DCSTAMP: variants seen among roughly 807,000 people sequenced by gnomAD.
DCSTAMP encodes the protein dendrocyte expressed seven transmembrane protein, also known as dendritic cell-specific transmembrane protein.
A neutral mutation model predicts 33.8 loss-of-function variants in DCSTAMP; 25 were observed. That is an observed-to-expected ratio of 0.74 (90% CI 0.54 to 1.03). The LOEUF is 1.03. Among genes scored for constraint, DCSTAMP ranks in the 50% least tolerant of loss-of-function variants. The pLI is 0.00. For missense variants in DCSTAMP, 531 were observed against 556.8 expected, an observed-to-expected ratio of 0.95 and a Z score of 0.47; for synonymous variants, 245 against 216.7, an observed-to-expected ratio of 1.13 and a Z score of -1.15.
At chr8:104,350,769 G>T (rs112737777) in intron 2 of DCSTAMP, among the ~76,000 whole-genome samples, 1 of 152,146 alleles carries the variant, frequency 6.6e-6, no homozygotes, top group African/African-American at 2.4e-5. Context: ...GCAAGGACCC[G>T]CTAACCCAGA....
intron 1 of DCSTAMP, among the ~76,000 whole-genome samples, chr8:104,346,977 G>A (rs1019319593): frequency 2.0e-5 from 3 of 152,212 alleles, no homozygotes; most frequent in African/African-American, 7.2e-5. Flanking sequence ...TGTGAGAAGG[G>A]ATTTATTTGA....
chr8:104,346,186 C>T (rs1184399716), intron 1 of DCSTAMP, among the ~76,000 whole-genome samples: 1 of 152,228 alleles, frequency 6.6e-6, no homozygotes, highest in East Asian at 1.9e-4. Context: ...TAGAGAGATG[C>T]TTTATAAAAA....
chr8:104,342,686 G>A (rs900940893), intron 1 of DCSTAMP, among the ~76,000 whole-genome samples: 3 of 152,200 alleles, frequency 2.0e-5, no homozygotes, highest in African/African-American at 7.2e-5. Context: ...GGGACAGGAT[G>A]AGCCCCCATT....
chr8:104,345,096 C>T (rs1005230066), intron 1 of DCSTAMP, among the ~76,000 whole-genome samples: 3 of 152,006 alleles, frequency 2.0e-5, no homozygotes, highest in African/African-American at 7.2e-5. Context: ...GCCTCCAGTG[C>T]CTGTCTCTAA....
chr8:104,343,297 A>C (rs570012757), intron 1 of DCSTAMP, among the ~76,000 whole-genome samples: 1 of 152,212 alleles, frequency 6.6e-6, no homozygotes, highest in Non-Finnish European at 1.5e-5. Context: ...ACAATAGTAC[A>C]GGGTTAGAAA....
intron 1 of DCSTAMP, among the ~76,000 whole-genome samples, chr8:104,341,678 G>T (rs574828837): frequency 4.6e-5 from 7 of 152,322 alleles, no homozygotes; most frequent in African/African-American, 1.7e-4. Context: ...GCTCTGCAGG[G>T]CTCTCAGCTC....
rs1479742251 is a variant in DCSTAMP, at chr8:104,355,299, C to T, written c.1338+114C>T. ...TTCAACTTCACATCAGGGCTTGTAC[C>T]CCAGCAGTAGATAGGACATTGAGGA... On this transcript the variant is annotated intron_variant, in intron 3 of 3. Transcript: ENST00000297581. The T allele has an allele frequency of 6.5e-6, 7 of 1,083,818 alleles. No homozygotes were observed. The East Asian group carries it at 1.5e-4, about 23-fold the overall frequency. The allele number at this position is 1,083,818 out of a possible 1,614,324, so 67.1% of individuals were successfully genotyped here. A position where few individuals can be genotyped will look rare whatever the true frequency, so the allele number is the denominator to read the frequency against.
At chr8:104,340,895 C>G (rs537527521) in intron 1 of DCSTAMP, among the ~76,000 whole-genome samples, 1 of 152,346 alleles carries the variant, frequency 6.6e-6, no homozygotes, top group South Asian at 2.1e-4. Context: ...ACAGAAAGAA[C>G]AGAGTGCTTG....
intron 1 of DCSTAMP, chr8:104,340,366 A>T (rs2140463912): frequency 6.6e-6 from 1 of 152,342 alleles, no homozygotes; most frequent in South Asian, 2.1e-4. Context: ...AGTTCTCTCT[A>T]CCTCAAATGA....
rs1474421006 is a variant in DCSTAMP, at chr8:104,348,936, C to G, written c.384C>G (p.Asn128Lys). Residue 128 changes from asparagine to lysine, a missense_variant, in exon 2 of 4, where the codon AAC becomes AAG. Transcript: ENST00000297581. ...FKGLLDGMTC[N>K]LRAKSFSIHF... Reference sequence around the variant, plus strand: ...GTCTCCTAGATGGTATGACTTGCAACCTAAGGGCAAAGAGCTTTTCCATAC... The same window carrying G: ...GTCTCCTAGATGGTATGACTTGCAAGCTAAGGGCAAAGAGCTTTTCCATAC... 6.2e-7 allele frequency: 1 copy of G among 1,614,204 alleles called. No homozygotes were observed. Among genetic ancestry groups the G allele is most frequent in the East Asian group, 2.2e-5 (1 of 44,886 alleles).
intron 1 of DCSTAMP, among the ~76,000 whole-genome samples, chr8:104,345,335 C>T (rs1810275893): frequency 6.6e-6 from 1 of 152,142 alleles, no homozygotes; most frequent in African/African-American, 2.4e-5. Context: ...ATCAATGCCA[C>T]AGTCAACGAT....
intron 1 of DCSTAMP, among the ~76,000 whole-genome samples, chr8:104,343,124 C>G (rs934306765): frequency 2.0e-5 from 3 of 152,168 alleles, no homozygotes; most frequent in African/African-American, 7.2e-5. Flanking sequence ...AGAAGCTGCT[C>G]TATGATCATG....
At chr8:104,346,077 G>T (rs761800379) in intron 1 of DCSTAMP, among the ~76,000 whole-genome samples, 7 of 152,212 alleles carry the variant, frequency 4.6e-5, no homozygotes, top group Non-Finnish European at 8.8e-5. Flanking sequence ...CTGCTGTGCC[G>T]TCTCCACTGT....
chr8:104,352,847 T>G (rs986443082), intron 2 of DCSTAMP, among the ~76,000 whole-genome samples: 5 of 152,148 alleles, frequency 3.3e-5, no homozygotes, highest in African/African-American at 1.2e-4. Context: ...AACTCTCTCC[T>G]GCTGTGTCTG....
chr8:104,348,863 G>T lies in DCSTAMP; in HGVS notation c.311G>T (p.Gly104Val), dbSNP rs753732050. Residue 104 changes from glycine (G) to valine (V), a missense_variant, in exon 2 of 4, where the codon GGG becomes GTG. By Grantham distance (109) the Gly-to-Val change is moderately radical (BLOSUM62 -3). Transcript: ENST00000297581. Reference sequence around the variant, plus strand: ...AATGCTTTGATTGCAGCTGGCACAGGGATCGTCATCTTGGGACACGTAGAA... The same window carrying T: ...AATGCTTTGATTGCAGCTGGCACAGTGATCGTCATCTTGGGACACGTAGAA... ...GRNALIAAGT[G>V]IVILGHVENI... 10 of 1,614,030 alleles carry T rather than the reference G, an allele frequency of 6.2e-6. No homozygotes were observed. The Admixed American group carries it at 1.7e-4, about 27-fold the overall frequency.
chr8:104,345,911 A>G (rs1416801726), intron 1 of DCSTAMP, among the ~76,000 whole-genome samples: 1 of 152,236 alleles, frequency 6.6e-6, no homozygotes, highest in Non-Finnish European at 1.5e-5. Flanking sequence ...TGTGATATAC[A>G]GGTCAGCTCT....
intron 1 of DCSTAMP, among the ~76,000 whole-genome samples, chr8:104,347,796 C>G (rs1267563358): frequency 6.6e-6 from 1 of 152,124 alleles, no homozygotes; most frequent in Non-Finnish European, 1.5e-5. Context: ...TGTCCATGTC[C>G]TACTGCTCAG....
intron 1 of DCSTAMP, among the ~76,000 whole-genome samples, chr8:104,348,251 G>C (rs899064937): frequency 7.2e-5 from 11 of 152,216 alleles, no homozygotes; most frequent in African/African-American, 2.7e-4. Flanking sequence ...GGTTCCGTGA[G>C]AGCACGTGGA....
chr8:104,344,224 A>T (rs2099383491), intron 1 of DCSTAMP, among the ~76,000 whole-genome samples: 1 of 152,208 alleles, frequency 6.6e-6, no homozygotes, highest in African/African-American at 2.4e-5. Flanking sequence ...CATAGGCTCC[A>T]GTTATTTATT....
Sources: allele counts gnomAD v4.1 joint callset (sites outside exome capture counted in the v4.1 genomes callset), GRCh38; gene constraint gnomAD v4.1.1; transcripts MANE v1.5; gene names NCBI Gene and HGNC (gene_info 2026-07-23, HGNC 2026-07-21).